Variants in TMEM74 observed in about 807,000 individuals in gnomAD.
TMEM74 encodes the protein transmembrane protein 74.
TMEM74 carries 13 observed loss-of-function variants against 18.1 expected under a neutral mutation model. That is an observed-to-expected ratio of 0.72 (90% confidence interval 0.47 to 1.14). The LOEUF is 1.14. Among genes scored for constraint, TMEM74 ranks in the 50% most tolerant of loss-of-function variants. The pLI, the probability that TMEM74 is intolerant of heterozygous loss-of-function variation, is 0.00. For synonymous variants in TMEM74, 159 were observed against 146.6 expected (o/e 1.08, Z -0.61); for missense variants, 372 against 375.9 (o/e 0.99, Z 0.09).
At chr8:108,655,616 T>C (rs1050001768) in intron 1 of TMEM74, among the ~76,000 whole-genome samples, 1 of 152,106 alleles carries the variant, frequency 6.6e-6, no homozygotes, top group Non-Finnish European at 1.5e-5. Context: ...TCTCTTTTAC[T>C]CCCCCAAGCT....
chr8:108,684,683 T>A (rs2130601970), intron 1 of TMEM74, among the ~76,000 whole-genome samples: 1 of 137,870 alleles, frequency 7.3e-6, no homozygotes, highest in Non-Finnish European at 1.6e-5. Flanking sequence ...TACCCTATGT[T>A]TTTCTAATAG....
intron 2 of TMEM74, among the ~76,000 whole-genome samples, chr8:108,614,498 A>G (rs1812364777): frequency 6.6e-6 from 1 of 152,252 alleles, no homozygotes; most frequent in African/African-American, 2.4e-5. Flanking sequence ...ATAGGTTTAC[A>G]GATTCCAGAA....
intron 1 of TMEM74, among the ~76,000 whole-genome samples, chr8:108,705,011 G>A (rs1358290437): frequency 6.6e-6 from 1 of 152,110 alleles, no homozygotes; most frequent in East Asian, 1.9e-4. Flanking sequence ...ATGTATGAGG[G>A]CAAATTTTAC....
intron 2 of TMEM74, among the ~76,000 whole-genome samples, chr8:108,624,203 A>G (rs772627565): frequency 7.9e-5 from 12 of 152,100 alleles, no homozygotes; most frequent in Non-Finnish European, 1.8e-4. Flanking sequence ...TTGTCTGTGT[A>G]TGTAAGGGAA....
chr8:108,634,558 T>G (rs1265810829), intron 2 of TMEM74, among the ~76,000 whole-genome samples: 1 of 151,980 alleles, frequency 6.6e-6, no homozygotes, highest in Non-Finnish European at 1.5e-5. Flanking sequence ...ATTCCACTCT[T>G]TCCAAACCTT....
At chr8:108,767,407 GA>G (rs1194193541) in intron 1 of TMEM74, among the ~76,000 whole-genome samples, 1 of 151,948 alleles carries the variant, frequency 6.6e-6, no homozygotes, top group Non-Finnish European at 1.5e-5. Context: ...TTAGTTTTCT[GA>G]AAAAAAGTAT....
intron 2 of TMEM74, among the ~76,000 whole-genome samples, chr8:108,611,929 T>A (rs987351825): frequency 2.0e-5 from 3 of 152,216 alleles, no homozygotes; most frequent in Non-Finnish European, 4.4e-5. Context: ...CTCAGGAAAC[T>A]TACAATCACA....
chr8:108,755,328 T>A (rs936056094), intron 1 of TMEM74, among the ~76,000 whole-genome samples: 1 of 152,072 alleles, frequency 6.6e-6, no homozygotes, highest in African/African-American at 2.4e-5. Context: ...GAGGACACAG[T>A]TAAACTGTGC....
At chr8:108,680,613 G>A (rs147174916) in intron 1 of TMEM74, among the ~76,000 whole-genome samples, 4,470 of 152,250 alleles carry the variant, frequency 0.029, 122 homozygotes, top group African/African-American at 0.066. Flanking sequence ...GCACAAGACA[G>A]GATGCCCTCT....
chr8:108,636,987 C>T (rs1416296805), intron 2 of TMEM74, among the ~76,000 whole-genome samples: 1 of 152,032 alleles, frequency 6.6e-6, no homozygotes, highest in Admixed American at 6.6e-5. Flanking sequence ...GTAAGCACTC[C>T]TTTCTCTCTT....
intron 1 of TMEM74, among the ~76,000 whole-genome samples, chr8:108,699,642 A>AG (rs1813316360): frequency 6.6e-6 from 1 of 152,186 alleles, no homozygotes; most frequent in South Asian, 2.1e-4. Context: ...CAAAATGAGG[A>AG]GAAGGAAGCC....
chr8:108,739,458 C>T (rs1197699136), intron 1 of TMEM74, among the ~76,000 whole-genome samples: 1 of 152,176 alleles, frequency 6.6e-6, no homozygotes, highest in Admixed American at 6.5e-5. Context: ...ACAGTTCAGA[C>T]CCTTGGGGTG....
In TMEM74 at chr8:108,672,612, G is replaced by T. The variant is rs369174707; in HGVS notation, n.120-17175C>A. Among the ~76,000 whole-genome samples the T allele has an allele frequency of 5.9e-5, 9 of 152,242 alleles. No individual in the cohort carries two copies. The East Asian group carries it at 9.7e-4, about 16-fold the overall frequency. On this transcript the variant is annotated intron_variant and non_coding_transcript_variant, in intron 1 of 3. Transcript: ENST00000518838. ...TTCTGTGTGAAACTCACTCAGGATG[G>T]AGCCCAGTTTGACATTTGGGTCATT...
At chr8:108,718,582 T>C (rs1175262440) in intron 1 of TMEM74, among the ~76,000 whole-genome samples, 1 of 152,116 alleles carries the variant, frequency 6.6e-6, no homozygotes, top group African/African-American at 2.4e-5. Context: ...AGAACAGCTG[T>C]GATACACTAG....
At chr8:108,672,413 T>C (rs992799558) in intron 1 of TMEM74, among the ~76,000 whole-genome samples, 1 of 152,196 alleles carries the variant, frequency 6.6e-6, no homozygotes, top group Non-Finnish European at 1.5e-5. Context: ...GTAGATGAAA[T>C]CAGGGAAAGA....
intron 2 of TMEM74, among the ~76,000 whole-genome samples, chr8:108,648,005 A>G (rs189472725): frequency 6.6e-5 from 10 of 152,288 alleles, no homozygotes; most frequent in Admixed American, 5.9e-4. Flanking sequence ...GGAAATAGCC[A>G]TGCAAAGACC....
At chr8:108,712,442 A>G (rs928563187) in intron 1 of TMEM74, among the ~76,000 whole-genome samples, 3 of 152,146 alleles carry the variant, frequency 2.0e-5, no homozygotes, top group African/African-American at 7.2e-5. Context: ...TGTTTTATTC[A>G]CATGAATAAA....
At chr8:108,767,778 T>A (rs1814126360) in intron 1 of TMEM74, among the ~76,000 whole-genome samples, 1 of 152,172 alleles carries the variant, frequency 6.6e-6, no homozygotes, top group Non-Finnish European at 1.5e-5. Context: ...CAATTTCTAA[T>A]TAATATTTTT....
intron 1 of TMEM74, among the ~76,000 whole-genome samples, chr8:108,718,808 G>A (rs914614671): frequency 3.9e-5 from 6 of 152,040 alleles, no homozygotes; most frequent in African/African-American, 1.2e-4. Context: ...TATGAAAATT[G>A]TAGTTTCTAT....
Sources: allele counts gnomAD v4.1 joint callset (sites outside exome capture counted in the v4.1 genomes callset), GRCh38; gene constraint gnomAD v4.1.1; transcripts MANE v1.5; gene names NCBI Gene and HGNC (gene_info 2026-07-23, HGNC 2026-07-21).